PHF21B: variants seen among roughly 807,000 people sequenced by gnomAD.
The protein encoded by PHF21B is PHD finger protein 21B, also known as PHD finger protein 4.
PHF21B carries 22 observed loss-of-function variants against 62.2 expected under a neutral mutation model. The ratio of observed to expected loss-of-function variants is 0.35; its 90% CI spans 0.25 to 0.51. The LOEUF (loss-of-function observed/expected upper bound fraction) is 0.51. PHF21B is among the 20% of genes least tolerant of loss of function. The pLI is 0.97. For missense variants in PHF21B, 701 were observed against 707.9 expected (o/e 0.99, Z 0.11); for synonymous variants, 341 against 314.7 (o/e 1.08, Z -0.88).
intron 2 of PHF21B, among the ~76,000 whole-genome samples, chr22:44,998,619 A>G (rs1040195971): frequency 6.6e-6 from 1 of 152,156 alleles, no homozygotes; most frequent in African/African-American, 2.4e-5. Context: ...ACAGACTCCC[A>G]AGTCAGGGGC....
chr22:44,943,403 A>G (rs768405800), intron 2 of PHF21B, among the ~76,000 whole-genome samples: 6 of 152,268 alleles, frequency 3.9e-5, no homozygotes, highest in Middle Eastern at 6.8e-3. Flanking sequence ...GCAGAGCCCC[A>G]TCTGAGCTAG....
intron 5 of PHF21B, among the ~76,000 whole-genome samples, chr22:44,912,622 T>C (rs1428082071): frequency 6.6e-6 from 1 of 151,908 alleles, no homozygotes; most frequent in Non-Finnish European, 1.5e-5. Context: ...GAACTGTGAG[T>C]TCTCCATTAA....
chr22:44,906,949 G>A (rs1010381554), intron 5 of PHF21B, among the ~76,000 whole-genome samples: 1 of 152,164 alleles, frequency 6.6e-6, no homozygotes, highest in Non-Finnish European at 1.5e-5. Context: ...CGATCAGCGT[G>A]GGGTGATGGC....
chr22:44,933,805 G>C (rs887378605), intron 2 of PHF21B, among the ~76,000 whole-genome samples: 18 of 152,134 alleles, frequency 1.2e-4, no homozygotes, highest in Admixed American at 1.3e-4. Context: ...AGTGAGGAAT[G>C]AATCTGTGTG....
rs144783395 is a variant in PHF21B, at chr22:44,984,685, ATTAAT to A, written c.120+23855_120+23859del. On this transcript the variant is annotated intron_variant, in intron 2 of 12. Coordinates refer to ENST00000313237, the MANE Select transcript of PHF21B (RefSeq NM_138415.5). Reference sequence around the variant, plus strand: ...GTATTTCAATCCTGCTCTGTAAGTTATTAATTTAATTTGTAAGGTGATAGGACTGC... The same window carrying A: ...GTATTTCAATCCTGCTCTGTAAGTTATTAATTTGTAAGGTGATAGGACTGC... Among the ~76,000 whole-genome samples the A allele has an allele frequency of 4.2e-3, 638 of 152,352 alleles. 6 individuals are homozygous for A. Among genetic ancestry groups the A allele is most frequent in the African/African-American group, 0.014 (577 of 41,596 alleles).
intron 2 of PHF21B, among the ~76,000 whole-genome samples, chr22:44,951,644 T>TC (rs2072196722): frequency 6.6e-6 from 1 of 152,238 alleles, no homozygotes; most frequent in Non-Finnish European, 1.5e-5. Flanking sequence ...TGCATAGTAT[T>TC]CCCCTCTGTG....
rs1488691629 is a variant in PHF21B at position 44,895,797 on chromosome 22, A to G, written c.883+235T>C. Reference sequence around the variant, plus strand: ...GGCTTCTCTGTCTTGTTCGTCTTTGATGACAGCCACCCAGCCTCAGGCACT... The same window carrying G: ...GGCTTCTCTGTCTTGTTCGTCTTTGGTGACAGCCACCCAGCCTCAGGCACT... On this transcript the variant is annotated intron_variant, in intron 6 of 12. Transcript: ENST00000313237. Among the ~76,000 whole-genome samples the G allele has an allele frequency of 3.9e-5, 6 of 152,128 alleles. No homozygotes were observed. The East Asian group carries it at 1.2e-3, about 29-fold the overall frequency.
rs568208145 is a variant in PHF21B at position 44,946,143 on chromosome 22, T to C, written c.121-25653A>G. 2.7e-3 allele frequency among the ~76,000 whole-genome samples: 389 copies of C among 146,382 alleles called. 3 individuals carry two copies. The highest frequency in any genetic ancestry group is 5.5e-3 in the African/African-American group (202 of 36,538). On this transcript the variant is annotated intron_variant, in intron 2 of 12. Coordinates refer to ENST00000313237, the MANE Select transcript of PHF21B (RefSeq NM_138415.5). The stretch of plus-strand genomic sequence containing the variant: ...GCTGGGAGGCCTGCTGGAGCCAGAG[T>C]GGTCACGGAAGGCTTCCCAGAGGAG...
rs752936934 is a variant in PHF21B at position 44,916,432 on chromosome 22, C to T, written c.412G>A (p.Ala138Thr). The change falls in exon 4 of 13, where the codon GCC becomes ACC. Residue 138 changes from alanine to threonine, a missense_variant. Coordinates refer to ENST00000313237, the MANE Select transcript of PHF21B (RefSeq NM_138415.5). Reference sequence around the variant, plus strand: ...GCACTGCTCAGCGGAGAGGCGAGGGCGGCGGGCTCGGCGAGGGCCTGGGGC... The same window carrying T: ...GCACTGCTCAGCGGAGAGGCGAGGGTGGCGGGCTCGGCGAGGGCCTGGGGC... ...SQPQALAEPAALASPLSSAGV... is the reference protein window; with the variant it reads ...SQPQALAEPATLASPLSSAGV... The T allele has an allele frequency of 4.1e-5, 65 of 1,595,934 alleles. No homozygotes were observed. Among genetic ancestry groups the T allele is most frequent in the South Asian group, 3.8e-4 (34 of 90,300 alleles).
At chr22:44,917,814 G>A (rs79141386) in intron 3 of PHF21B, among the ~76,000 whole-genome samples, 5,864 of 152,270 alleles carry the variant, frequency 0.039, 181 homozygotes, top group African/African-American at 0.08. Flanking sequence ...TGTGGCCTTG[G>A]GCAGGTCACC....
chr22:44,914,642 T>TG (rs2071403253), intron 4 of PHF21B, among the ~76,000 whole-genome samples: 1 of 152,180 alleles, frequency 6.6e-6, no homozygotes, highest in African/African-American at 2.4e-5. Flanking sequence ...AACCCTGGCT[T>TG]GGGGGCACAG....
In PHF21B at chr22:44,966,394, G is replaced by A. The variant is rs190334578; in HGVS notation, c.120+42151C>T. Among the ~76,000 whole-genome samples the A allele has an allele frequency of 3.5e-4, 53 of 152,314 alleles. No homozygotes were observed. The East Asian group carries it at 9.9e-3, about 28-fold the overall frequency. On this transcript the variant is annotated intron_variant, in intron 2 of 12. Coordinates refer to ENST00000313237, the MANE Select transcript of PHF21B (RefSeq NM_138415.5). ...GTGAAGGTCAAAGCAGACAAGCTGG[G>A]CCCCCAAGCCCAGCTCTTGCCACAC...
At chr22:45,001,490 AT>A (rs1320405276) in intron 2 of PHF21B, among the ~76,000 whole-genome samples, 3 of 152,086 alleles carry the variant, frequency 2.0e-5, no homozygotes, top group African/African-American at 7.2e-5. Context: ...GTGGCCAGAC[AT>A]CTCACACAAA....
At chr22:44,978,508 C>T (rs1025071794) in intron 2 of PHF21B, among the ~76,000 whole-genome samples, 5 of 152,122 alleles carry the variant, frequency 3.3e-5, no homozygotes, top group Admixed American at 2.0e-4. Flanking sequence ...TATAAGCATG[C>T]GCCACCACAC....
At chr22:45,005,016 C>G (rs2073290130) in intron 2 of PHF21B, among the ~76,000 whole-genome samples, 1 of 152,152 alleles carries the variant, frequency 6.6e-6, no homozygotes, top group Non-Finnish European at 1.5e-5. Context: ...AAGTTCAGGT[C>G]TGGAGATGCC....
intron 2 of PHF21B, among the ~76,000 whole-genome samples, chr22:44,943,329 G>A (rs2349864): frequency 0.48 from 73,363 of 151,698 alleles, 19,488 homozygotes; most frequent in Non-Finnish European, 0.61. Context: ...CCGAAGGGCC[G>A]TAATCCCTAG....
At chr22:44,981,778 G>A (rs1184004490) in intron 2 of PHF21B, among the ~76,000 whole-genome samples, 1 of 152,242 alleles carries the variant, frequency 6.6e-6, no homozygotes, top group Non-Finnish European at 1.5e-5. Flanking sequence ...GCGGCACGCA[G>A]GTGTTCTGCT....
At chr22:44,927,023 T>C (rs2071646035) in intron 2 of PHF21B, among the ~76,000 whole-genome samples, 1 of 152,020 alleles carries the variant, frequency 6.6e-6, no homozygotes, top group Non-Finnish European at 1.5e-5. Flanking sequence ...CCCTCCTGAC[T>C]TGGGACCCTG....
rs988928647 is a variant in PHF21B, at chr22:44,991,296, G to C, written c.120+17249C>G. Among the ~76,000 whole-genome samples the C allele has an allele frequency of 2.6e-5, 4 of 152,150 alleles. No individual in the cohort carries two copies. The East Asian group carries it at 5.8e-4, about 22-fold the overall frequency. On this transcript the variant is annotated intron_variant, in intron 2 of 12. Transcript: ENST00000313237. Reference sequence around the variant, plus strand: ...AGAAAAGGCAGTCTGGCCACTCCACGGTGCAGTACAGATTCTCCCACCTCA... The same window carrying C: ...AGAAAAGGCAGTCTGGCCACTCCACCGTGCAGTACAGATTCTCCCACCTCA...
Sources: allele counts gnomAD v4.1 joint callset (sites outside exome capture counted in the v4.1 genomes callset), GRCh38; gene constraint gnomAD v4.1.1; transcripts MANE v1.5; gene names NCBI Gene and HGNC (gene_info 2026-07-23, HGNC 2026-07-21).